HTR1F: variants seen among roughly 807,000 people sequenced by gnomAD.
HTR1F encodes the protein 5-hydroxytryptamine (serotonin) receptor 1F, G protein-coupled.
Under a neutral mutation model 24.0 loss-of-function variants are expected in HTR1F, and 17 were observed. That is an observed-to-expected ratio of 0.71 (90% CI 0.48 to 1.06). The LOEUF is 1.06. HTR1F is among the 50% of genes least tolerant of loss of function. HTR1F has a pLI of 0.00. For missense variants in HTR1F, 391 were observed against 427.8 expected, an observed-to-expected ratio of 0.91 and a Z score of 0.76; for synonymous variants, 186 against 156.8, an observed-to-expected ratio of 1.19 and a Z score of -1.39.
intron 2 of HTR1F, among the ~76,000 whole-genome samples, chr3:87,847,968 T>C (rs550102926): frequency 1.3e-5 from 2 of 151,996 alleles, no homozygotes; most frequent in African/African-American, 4.8e-5. Flanking sequence ...ATCTTTGCAA[T>C]AAGCATGTGA....
intron 2 of HTR1F, among the ~76,000 whole-genome samples, chr3:87,855,428 C>T (rs1705177448): frequency 6.6e-6 from 1 of 152,048 alleles, no homozygotes; most frequent in Non-Finnish European, 1.5e-5. Flanking sequence ...GGCTGCTTTC[C>T]ACACCTTTCT....
At chr3:87,956,813 T>C (rs188282060) in intron 2 of HTR1F, among the ~76,000 whole-genome samples, 2,369 of 151,466 alleles carry the variant, frequency 0.016, 62 homozygotes, top group African/African-American at 0.054. Context: ...TGATTTTTAT[T>C]AACGTTGTAT....
intron 2 of HTR1F, among the ~76,000 whole-genome samples, chr3:87,937,838 C>T (rs6790293): frequency 0.18 from 27,092 of 151,128 alleles, 2,630 homozygotes; most frequent in African/African-American, 0.27. Flanking sequence ...GCAGGAGAAT[C>T]GCTTGAACCC....
rs79107201 is a variant in HTR1F at position 87,798,932 on chromosome 3, C to T, written c.-160+6090C>T. ...TTCGTTTGGTGATCCTCTTCCATTG[C>T]CCATTCTTAGCTCTCTTGTTCATTC... On this transcript the variant is annotated intron_variant, in intron 1 of 2. Transcript: ENST00000319595. Among the ~76,000 whole-genome samples the T allele has an allele frequency of 4.3e-3, 652 of 152,248 alleles. 8 individuals are homozygous for T. The highest frequency in any genetic ancestry group is 0.015 in the African/African-American group (633 of 41,536).
chr3:87,825,695 G>A (rs1261700929), intron 2 of HTR1F, among the ~76,000 whole-genome samples: 2 of 152,058 alleles, frequency 1.3e-5, no homozygotes, highest in Admixed American at 6.5e-5. Context: ...GTCTTCTAAC[G>A]CTACCATCAC....
At chr3:87,849,589 A>G (rs993406494) in intron 2 of HTR1F, among the ~76,000 whole-genome samples, 2 of 151,962 alleles carry the variant, frequency 1.3e-5, no homozygotes, top group African/African-American at 4.9e-5. Flanking sequence ...AATGGCAACA[A>G]AAGACAAAAT....
chr3:87,865,533 T>C (rs1377902675), intron 2 of HTR1F, among the ~76,000 whole-genome samples: 1 of 152,140 alleles, frequency 6.6e-6, no homozygotes, highest in Non-Finnish European at 1.5e-5. Flanking sequence ...ACTACTTAAT[T>C]TTCCTCATTC....
At chr3:87,878,477 A>G (rs1449242312) in intron 2 of HTR1F, among the ~76,000 whole-genome samples, 3 of 152,228 alleles carry the variant, frequency 2.0e-5, no homozygotes, top group Admixed American at 1.3e-4. Context: ...CTATCTTCAA[A>G]TGAATCAGAC....
intron 1 of HTR1F, among the ~76,000 whole-genome samples, chr3:87,810,020 C>G (rs1351833769): frequency 6.6e-6 from 1 of 152,004 alleles, no homozygotes; most frequent in Non-Finnish European, 1.5e-5. Flanking sequence ...CCATAAATAT[C>G]AGGTTCCATT....
At chr3:87,802,678 C>G (rs1167127814) in intron 1 of HTR1F, among the ~76,000 whole-genome samples, 2 of 151,952 alleles carry the variant, frequency 1.3e-5, no homozygotes, top group African/African-American at 4.8e-5. Flanking sequence ...TCATAGGAAG[C>G]AAAATTCCTG....
intron 2 of HTR1F, among the ~76,000 whole-genome samples, chr3:87,824,454 C>T (rs1287498923): frequency 3.9e-5 from 6 of 152,192 alleles, no homozygotes; most frequent in African/African-American, 1.4e-4. Flanking sequence ...TGCATTATCC[C>T]TCCTATAAAT....
intron 2 of HTR1F, among the ~76,000 whole-genome samples, chr3:87,978,089 G>A (rs1442083419): frequency 6.6e-6 from 1 of 152,208 alleles, no homozygotes; most frequent in Non-Finnish European, 1.5e-5. Context: ...AGCTCCAGGA[G>A]CTGGCATAGG....
At chr3:87,861,664 A>C (rs929422117) in intron 2 of HTR1F, among the ~76,000 whole-genome samples, 1 of 152,172 alleles carries the variant, frequency 6.6e-6, no homozygotes, top group African/African-American at 2.4e-5. Context: ...GGAGCTCATA[A>C]ATATTTTAGA....
chr3:87,915,087 T>C (rs60635211), intron 2 of HTR1F, among the ~76,000 whole-genome samples: 66,281 of 151,890 alleles, frequency 0.44, 15,466 homozygotes, highest in African/African-American at 0.61. Flanking sequence ...GGTGGTTAGA[T>C]CCAGAAGAGA....
intron 2 of HTR1F, among the ~76,000 whole-genome samples, chr3:87,918,663 C>T (rs1212513854): frequency 3.3e-5 from 5 of 152,022 alleles, no homozygotes; most frequent in Non-Finnish European, 5.9e-5. Flanking sequence ...ATGTACCTAA[C>T]CAAGGAGTCT....
chr3:87,930,412 C>T (rs1704233479), intron 2 of HTR1F, among the ~76,000 whole-genome samples: 1 of 152,106 alleles, frequency 6.6e-6, no homozygotes. Flanking sequence ...AAGATGTTGG[C>T]TGTGGGTTTG....
chr3:87,854,661 T>G (rs1426589281), intron 2 of HTR1F, among the ~76,000 whole-genome samples: 1 of 152,032 alleles, frequency 6.6e-6, no homozygotes, highest in Non-Finnish European at 1.5e-5. Flanking sequence ...TGGAAAAACA[T>G]ATTTGAAAAT....
intron 2 of HTR1F, among the ~76,000 whole-genome samples, chr3:87,920,035 A>ATATATATATATG (rs1703979661): frequency 6.7e-6 from 1 of 148,662 alleles, no homozygotes; most frequent in Non-Finnish European, 1.5e-5. Flanking sequence ...AATATTATAT[A>ATATATATATATG]TATATATATA....
intron 2 of HTR1F, among the ~76,000 whole-genome samples, chr3:87,849,093 A>T (rs1469551009): frequency 6.6e-6 from 1 of 151,548 alleles, no homozygotes; most frequent in Admixed American, 6.6e-5. Flanking sequence ...TCTTCACAGA[A>T]TTGGAAAAAA....
Sources: gnomAD v4.1 joint callset for allele counts (sites outside exome capture counted in the v4.1 genomes callset) on GRCh38, gnomAD v4.1.1 for gene constraint, MANE v1.5 for transcripts, NCBI Gene and HGNC (gene_info 2026-07-23, HGNC 2026-07-21) for gene names.